Variants in SHANK2 observed in about 807,000 individuals in gnomAD.
SHANK2 encodes the protein SH3 and multiple ankyrin repeat domains protein 2.
Under a neutral mutation model 133.7 loss-of-function variants are expected in SHANK2, and 43 were observed. The observed-to-expected ratio is 0.32, with a 90% CI of 0.25 to 0.41. The LOEUF is 0.41. Ranked by LOEUF, SHANK2 falls within the 10% of genes least tolerant of loss-of-function variation. The probability of loss-of-function intolerance (pLI) is 1.00; values close to 1 mark genes in which losing one functional copy is unlikely to be tolerated. For missense variants in SHANK2, 1,994 were observed against 2,235.8 expected (o/e 0.89, Z 2.18); for synonymous variants, 1,017 against 952.8 (o/e 1.07, Z -1.24).
chr11:70,665,651 C>A (rs1944666310), intron 15 of SHANK2, among the ~76,000 whole-genome samples: 1 of 152,236 alleles, frequency 6.6e-6, no homozygotes. Context: ...CTTTCACTGG[C>A]AGACAGACAT....
chr11:70,525,553 G>A (rs1163401445), intron 17 of SHANK2, among the ~76,000 whole-genome samples: 1 of 152,102 alleles, frequency 6.6e-6, no homozygotes, highest in Non-Finnish European at 1.5e-5. Flanking sequence ...AACGAGCTTC[G>A]AGGTAGGGGA....
At chr11:70,876,763 C>CT (rs1949572695) in intron 11 of SHANK2, among the ~76,000 whole-genome samples, 1 of 152,142 alleles carries the variant, frequency 6.6e-6, no homozygotes, top group South Asian at 2.1e-4. Flanking sequence ...AACAGGGCTG[C>CT]TGCTGAGCGC....
At chr11:70,522,156 C>T (rs2059338426) in intron 17 of SHANK2, among the ~76,000 whole-genome samples, 1 of 152,236 alleles carries the variant, frequency 6.6e-6, no homozygotes. Flanking sequence ...CCCACCACAG[C>T]CCCGCTCCAG....
chr11:71,233,592 C>A (rs896973010), intron 1 of SHANK2, among the ~76,000 whole-genome samples: 4 of 152,190 alleles, frequency 2.6e-5, no homozygotes, highest in Non-Finnish European at 2.9e-5. Context: ...AAACACGGCA[C>A]TGCAGGTTTT....
intron 17 of SHANK2, among the ~76,000 whole-genome samples, chr11:70,636,602 AGT>A (rs1318304049): frequency 2.1e-3 from 183 of 85,778 alleles, no homozygotes; most frequent in African/African-American, 7.7e-3. Flanking sequence ...TGAGTGTATG[AGT>A]GTGTGTATGC....
At chr11:70,544,849 C>A (rs1005746086) in intron 17 of SHANK2, among the ~76,000 whole-genome samples, 14 of 152,234 alleles carry the variant, frequency 9.2e-5, no homozygotes, top group African/African-American at 2.7e-4. Flanking sequence ...GGCAAGGCAC[C>A]GGTGTCCCCA....
chr11:70,943,189 A>G (rs1054873801), intron 10 of SHANK2: 4 of 432,638 alleles, frequency 9.2e-6, no homozygotes, highest in African/African-American at 8.1e-5. Flanking sequence ...GTGCTCAGTC[A>G]CCGACATGTT....
chr11:71,198,794 T>G lies in SHANK2; in HGVS notation c.-13+25903A>C, dbSNP rs79424425. Among the ~76,000 whole-genome samples the G allele has an allele frequency of 3.0e-3, 451 of 152,294 alleles. 3 individuals carry two copies. Among genetic ancestry groups the G allele is most frequent in the African/African-American group, 0.01 (436 of 41,552 alleles). On this transcript the variant is annotated intron_variant, in intron 2 of 25. Transcript: ENST00000601538. ...TCGTGTCTGTGGGCAAGTGAGGTTG[T>G]GAGGCGGCGGGGTCTTCAAAGGCAG...
intron 17 of SHANK2, among the ~76,000 whole-genome samples, chr11:70,516,463 C>A (rs1387897576): frequency 2.0e-5 from 3 of 152,200 alleles, no homozygotes; most frequent in Admixed American, 1.3e-4. Flanking sequence ...CAAAAATTAA[C>A]CCCCAGTGGA....
At chr11:70,873,724 T>G (rs990060317) in intron 11 of SHANK2, among the ~76,000 whole-genome samples, 1 of 151,648 alleles carries the variant, frequency 6.6e-6, no homozygotes, top group Admixed American at 6.5e-5. Context: ...AGCCAGCCAT[T>G]GCTTCCTCCA....
At chr11:70,937,686 T>A (rs1401355762) in intron 10 of SHANK2, among the ~76,000 whole-genome samples, 1 of 142,034 alleles carries the variant, frequency 7.0e-6, no homozygotes, top group Non-Finnish European at 1.5e-5. Context: ...TGCGTGCATC[T>A]TTTTTTTTTT....
At chr11:70,837,096 T>A (rs535970877) in intron 11 of SHANK2, among the ~76,000 whole-genome samples, 1 of 152,330 alleles carries the variant, frequency 6.6e-6, no homozygotes, top group African/African-American at 2.4e-5. Context: ...ACCTTGATCT[T>A]GGACTTCCCT....
intron 3 of SHANK2, among the ~76,000 whole-genome samples, chr11:71,120,091 TTAAA>T (rs1315623148): frequency 6.6e-6 from 1 of 151,998 alleles, no homozygotes; most frequent in Non-Finnish European, 1.5e-5. Flanking sequence ...TTTTGCAAAG[TTAAA>T]TAGTGTCAAC....
intron 17 of SHANK2, among the ~76,000 whole-genome samples, chr11:70,591,663 T>C (rs782215814): frequency 2.6e-5 from 4 of 152,080 alleles, no homozygotes; most frequent in Non-Finnish European, 5.9e-5. Context: ...CATCCTGAAA[T>C]AGTGTTTTCT....
intron 17 of SHANK2, among the ~76,000 whole-genome samples, chr11:70,585,976 T>C (rs2060245912): frequency 6.6e-6 from 1 of 152,112 alleles, no homozygotes; most frequent in Admixed American, 6.6e-5. Flanking sequence ...TCTGAACTGT[T>C]TAATGACAAC....
intron 3 of SHANK2, among the ~76,000 whole-genome samples, chr11:71,122,195 A>G (rs1440624749): frequency 1.4e-4 from 21 of 152,220 alleles, no homozygotes; most frequent in African/African-American, 4.8e-4. Flanking sequence ...ACACATGCAC[A>G]CGTATGTTTA....
At chr11:70,496,845 C>CAGGAGAACCACG in intron 21 of SHANK2, 1 of 406,414 alleles carries the variant, frequency 2.5e-6, no homozygotes, top group Non-Finnish European at 4.9e-6. Context: ...TTGCCTCGTC[C>CAGGAGAACCACG]AGGAGAACCA....
At chr11:70,516,798 G>A (rs2059271316) in intron 17 of SHANK2, among the ~76,000 whole-genome samples, 1 of 152,210 alleles carries the variant, frequency 6.6e-6, no homozygotes, top group Non-Finnish European at 1.5e-5. Flanking sequence ...GCTGGGCATG[G>A]TGGCTCATGC....
intron 2 of SHANK2, among the ~76,000 whole-genome samples, chr11:71,167,949 G>A (rs1478881626): frequency 8.2e-5 from 12 of 146,710 alleles, no homozygotes; most frequent in African/African-American, 2.8e-4. Context: ...CCTGCCGGAC[G>A]AGGTGGCTGC....
Sources: allele counts gnomAD v4.1 joint callset (sites outside exome capture counted in the v4.1 genomes callset), GRCh38; gene constraint gnomAD v4.1.1; transcripts MANE v1.5; gene names NCBI Gene and HGNC (gene_info 2026-07-23, HGNC 2026-07-21).